CRADD: variants seen among roughly 807,000 people sequenced by gnomAD.
CRADD encodes the protein death domain-containing protein CRADD.
CRADD carries 9 observed loss-of-function variants against 15.5 expected under a neutral mutation model. That is an observed-to-expected ratio of 0.58 (90% CI 0.35 to 1.01). The LOEUF (loss-of-function observed/expected upper bound fraction) is 1.01. CRADD is among the 50% of genes least tolerant of loss of function. The probability of loss-of-function intolerance (pLI) is 0.02; values close to 1 mark genes in which losing one functional copy is unlikely to be tolerated. For missense variants in CRADD, 227 were observed against 250.3 expected, an observed-to-expected ratio of 0.91 and a Z score of 0.63; for synonymous variants, 118 against 107.6, an observed-to-expected ratio of 1.10 and a Z score of -0.60.
rs4332566 is a variant in CRADD, at chr12:93,678,925, C to G, written c.151C>G (p.Leu51Val). ...AGAAATCAATGCTCAAACCACAGGC[C>G]TCCGGAAAACAATGCTCCTGCTGGA... Reference protein sequence around the residue: ...IQEINAQTTGLRKTMLLLDIL... With the variant: ...IQEINAQTTGVRKTMLLLDIL... The change falls in exon 2 of 3, where the codon CTC (leucine) becomes GTC (valine). Residue 51 changes from leucine to valine, a missense_variant. Transcript: ENST00000332896. 6.2e-7 allele frequency: 1 copy of G among 1,614,046 alleles called. No individual in the cohort carries two copies. Among genetic ancestry groups the G allele is most frequent in the African/African-American group, 1.3e-5 (1 of 74,904 alleles).
At chr12:93,795,012 T>A (rs1039823546) in intron 2 of CRADD, among the ~76,000 whole-genome samples, 1 of 152,210 alleles carries the variant, frequency 6.6e-6, no homozygotes, top group Non-Finnish European at 1.5e-5. Context: ...CTATGTAAAG[T>A]ATTCATATAA....
intron 2 of CRADD, among the ~76,000 whole-genome samples, chr12:93,687,020 C>T (rs577045652): frequency 6.6e-6 from 1 of 151,212 alleles, no homozygotes; most frequent in African/African-American, 2.4e-5. Context: ...TAATTTTAAT[C>T]ATTTAAAAGG....
At position 93,679,035 on chromosome 12, in the gene CRADD, G is replaced by A. The variant is rs768651771; in HGVS notation, c.261G>A (p.Lys87=). Residue 87 remains lysine (K), a synonymous_variant, in exon 2 of 3, where the codon AAG becomes AAA. Coordinates refer to ENST00000332896, the MANE Select transcript of CRADD (RefSeq NM_003805.5). Reference sequence around the variant, plus strand: ...TTCCCTGGGTCAGGGAGAAGCTGAAGAAGGCAAGGGAAGAGGCCATGACCG... The same window carrying A: ...TTCCCTGGGTCAGGGAGAAGCTGAAAAAGGCAAGGGAAGAGGCCATGACCG... ...QEFPWVREKL[K]KAREEAMTDL... 3.1e-6 allele frequency: 5 copies of A among 1,613,988 alleles called. No homozygotes were observed. In the Admixed American group the frequency reaches 8.3e-5, roughly 27 times the overall value.
intron 2 of CRADD, among the ~76,000 whole-genome samples, chr12:93,787,562 G>A (rs1957294467): frequency 6.6e-6 from 1 of 151,876 alleles, no homozygotes; most frequent in Admixed American, 6.6e-5. Flanking sequence ...GTTTTTTCAA[G>A]TTCAGGGATA....
At chr12:93,783,215 G>GT (rs1957231678) in intron 2 of CRADD, among the ~76,000 whole-genome samples, 1 of 146,852 alleles carries the variant, frequency 6.8e-6, no homozygotes, top group Non-Finnish European at 1.5e-5. Context: ...AGCCTTCCAA[G>GT]TTACAGGTAT....
intron 2 of CRADD, among the ~76,000 whole-genome samples, chr12:93,799,164 A>C (rs1337902022): frequency 6.6e-6 from 1 of 152,256 alleles, no homozygotes; most frequent in Non-Finnish European, 1.5e-5. Flanking sequence ...CAAGGAATCC[A>C]AAAATTCTAT....
At chr12:93,886,162 C>CGTGT (rs1555231623) in intron 2 of CRADD, among the ~76,000 whole-genome samples, 1 of 123,948 alleles carries the variant, frequency 8.1e-6, no homozygotes, top group African/African-American at 3.0e-5. Flanking sequence ...GCTGCTGATG[C>CGTGT]TTTTTTTTTT....
At chr12:93,706,955 A>G (rs1009912723) in intron 2 of CRADD, among the ~76,000 whole-genome samples, 33 of 152,196 alleles carry the variant, frequency 2.2e-4, no homozygotes, top group African/African-American at 7.7e-4. Context: ...AATTTGGCCA[A>G]TAGCCTAATT....
chr12:93,850,366 G>A lies in CRADD; in HGVS notation c.*95G>A. On this transcript the variant is annotated 3_prime_UTR_variant, in exon 3 of 3. Transcript: ENST00000332896. This position sits in a 1 kb window ranked among gnomAD's most constrained non-coding sequence, Gnocchi z 4.0. ...AGCAGGTGGTTTTTTGTGTAGGTTT[G>A]TTTTTTATTTTTGATGATCTTCAGA... The A allele has an allele frequency of 6.9e-7, 1 of 1,457,312 alleles. No individual in the cohort carries two copies. 90.3% of individuals were successfully genotyped at this position (1,457,312 alleles called of 1,614,324 possible). A position where few individuals can be genotyped will look rare whatever the true frequency, so the allele number is the denominator to read the frequency against.
In CRADD at chr12:93,828,807, A is replaced by G. The variant is rs556970018; in HGVS notation, c.299-21163A>G. Among the ~76,000 whole-genome samples the G allele has an allele frequency of 3.3e-5, 5 of 152,342 alleles. No individual in the cohort carries two copies. In the South Asian group the frequency reaches 1.0e-3, roughly 32 times the overall value. ...TTTTCAAAATTATTTTGGCTCTTCT[A>G]AGGTCTTCACATTTCTTTATAAATT... On this transcript the variant is annotated intron_variant, in intron 2 of 2. Coordinates refer to ENST00000332896, the MANE Select transcript of CRADD (RefSeq NM_003805.5).
intron 2 of CRADD, among the ~76,000 whole-genome samples, chr12:93,828,312 T>G (rs1404468061): frequency 6.6e-6 from 1 of 152,278 alleles, no homozygotes; most frequent in East Asian, 1.9e-4. Flanking sequence ...TAAATTTTGA[T>G]GACATCCAGC....
chr12:93,841,568 C>T (rs1958047827), intron 2 of CRADD, among the ~76,000 whole-genome samples: 1 of 152,142 alleles, frequency 6.6e-6, no homozygotes, highest in Admixed American at 6.5e-5. Flanking sequence ...TTGGTCTGTT[C>T]AAGTTTCTGT....
chr12:93,882,321 C>T (rs1234240832), intron 2 of CRADD, among the ~76,000 whole-genome samples: 13 of 141,598 alleles, frequency 9.2e-5, no homozygotes, highest in African/African-American at 3.4e-4. Flanking sequence ...CTCAGGAGGC[C>T]GAGGCAGGAG....
chr12:93,794,028 TG>T (rs1343026688), intron 2 of CRADD, among the ~76,000 whole-genome samples: 1 of 152,176 alleles, frequency 6.6e-6, no homozygotes. Context: ...TCTTGCCATA[TG>T]GGGTGGTTAA....
chr12:93,721,582 T>C, intron 2 of CRADD, among the ~76,000 whole-genome samples: 1 of 152,216 alleles, frequency 6.6e-6, no homozygotes. Flanking sequence ...CATGTACAGA[T>C]GTTTTTCTCT....
At chr12:93,871,644 C>T (rs1958421016) in intron 2 of CRADD, among the ~76,000 whole-genome samples, 1 of 152,166 alleles carries the variant, frequency 6.6e-6, no homozygotes, top group Non-Finnish European at 1.5e-5. Context: ...TTAGAACCCA[C>T]AAATAAGTGA....
chr12:93,863,877 A>T (rs1018620663), intron 2 of CRADD, among the ~76,000 whole-genome samples: 7 of 151,920 alleles, frequency 4.6e-5, no homozygotes, highest in African/African-American at 9.7e-5. Context: ...ATTCACTTAA[A>T]TTTTTTTTAT....
chr12:93,858,204 A>G (rs951496002), intron 2 of CRADD, among the ~76,000 whole-genome samples: 2 of 152,262 alleles, frequency 1.3e-5, no homozygotes, highest in African/African-American at 2.4e-5. Flanking sequence ...AAAGTGTGAA[A>G]GACAAAATAC....
At chr12:93,790,276 C>T (rs1188502680) in intron 2 of CRADD, among the ~76,000 whole-genome samples, 2 of 151,770 alleles carry the variant, frequency 1.3e-5, no homozygotes, top group Non-Finnish European at 2.9e-5. Context: ...CTTTTTGGCC[C>T]CCAAGATACT....
Sources: gnomAD v4.1 joint callset for allele counts (sites outside exome capture counted in the v4.1 genomes callset) on GRCh38, gnomAD v4.1.1 for gene constraint, Gnocchi (gnomAD v3.1) non-coding constraint, MANE v1.5 for transcripts, NCBI Gene and HGNC (gene_info 2026-07-23, HGNC 2026-07-21) for gene names.